The following MOB3B variants were observed in gnomAD, a reference collection of about 807,000 sequenced individuals.
The protein encoded by MOB3B is MOB kinase activator 3B, also known as MOB kinase activator-like 2B.
MOB3B carries 7 observed loss-of-function variants against 18.7 expected under a neutral mutation model. That is an observed-to-expected ratio of 0.37 (90% CI 0.21 to 0.70). MOB3B has a LOEUF of 0.70. Ranked by LOEUF, MOB3B falls within the 30% of genes least tolerant of loss-of-function variation. The pLI, the probability that MOB3B is intolerant of heterozygous loss-of-function variation, is 0.52. For missense variants in MOB3B, 253 were observed against 281.3 expected (o/e 0.90, Z 0.72); for synonymous variants, 111 against 99.9 (o/e 1.11, Z -0.66).
At chr9:27,467,557 C>G (rs1819403841) in intron 1 of MOB3B, among the ~76,000 whole-genome samples, 1 of 152,216 alleles carries the variant, frequency 6.6e-6, no homozygotes, top group Non-Finnish European at 1.5e-5. Context: ...GAGGGAAGCA[C>G]CATTTCCCCA....
intron 2 of MOB3B, among the ~76,000 whole-genome samples, chr9:27,428,507 A>G (rs1424949811): frequency 2.0e-5 from 3 of 152,238 alleles, no homozygotes; most frequent in Admixed American, 6.5e-5. Flanking sequence ...GAAAGAGATG[A>G]GTTTGTTCTG....
intron 3 of MOB3B, 45 bp downstream of exon 3, chr9:27,358,989 G>C (rs1417288331): frequency 6.3e-7 from 1 of 1,587,586 alleles, no homozygotes; most frequent in African/African-American, 1.3e-5. Context: ...AAATGGCCGA[G>C]CTCCTGGGGT....
chr9:27,402,295 T>C (rs141090633), intron 2 of MOB3B, among the ~76,000 whole-genome samples: 58 of 152,362 alleles, frequency 3.8e-4, no homozygotes, highest in African/African-American at 1.3e-3. Flanking sequence ...TGTGTATTTA[T>C]ATGTTTCTAT....
In MOB3B at chr9:27,365,364, C is replaced by CTTT. The variant is rs55691019; in HGVS notation, c.419-6131_419-6129dup. Among the ~76,000 whole-genome samples the CTTT allele has an allele frequency of 7.6e-4, 89 of 116,474 alleles. 2 individuals are homozygous for CTTT. The South Asian group carries it at 7.8e-3, about 10-fold the overall frequency. The allele number at this position is 116,474 out of a possible 152,430, so 76.4% of individuals were successfully genotyped here. The stretch of plus-strand genomic sequence containing the variant: ...TTATCATTGAAATCTTCCTTCTTCT[C>CTTT]TTTTTTTTTTTTTTTTTTTCAGGTA... On this transcript the variant is annotated intron_variant, in intron 2 of 3. Coordinates refer to ENST00000262244, the MANE Select transcript of MOB3B (RefSeq NM_024761.5).
At chr9:27,344,178 A>G (rs1452958422) in intron 3 of MOB3B, among the ~76,000 whole-genome samples, 1 of 152,162 alleles carries the variant, frequency 6.6e-6, no homozygotes. Flanking sequence ...TTTACACATA[A>G]GGCCATTAGT....
intron 1 of MOB3B, among the ~76,000 whole-genome samples, chr9:27,501,482 GA>G (rs1563884450): frequency 6.6e-6 from 1 of 151,760 alleles, no homozygotes; most frequent in Non-Finnish European, 1.5e-5. Context: ...CCATCATTCT[GA>G]GCAAACTACC....
At chr9:27,464,854 A>C (rs1338516059) in intron 1 of MOB3B, among the ~76,000 whole-genome samples, 1 of 152,182 alleles carries the variant, frequency 6.6e-6, no homozygotes, top group Non-Finnish European at 1.5e-5. Flanking sequence ...AGACTTATTC[A>C]CTATCACGAG....
At chr9:27,479,010 G>T (rs1333910557) in intron 1 of MOB3B, among the ~76,000 whole-genome samples, 1 of 152,076 alleles carries the variant, frequency 6.6e-6, no homozygotes, top group African/African-American at 2.4e-5. Flanking sequence ...ATTCAAAGTG[G>T]TAATAAAAAA....
At chr9:27,477,132 G>A (rs1197938233) in intron 1 of MOB3B, among the ~76,000 whole-genome samples, 1 of 152,184 alleles carries the variant, frequency 6.6e-6, no homozygotes, top group East Asian at 1.9e-4. Flanking sequence ...ATACTCCTCT[G>A]CAGCCATCTT....
chr9:27,474,580 T>G (rs1432916026), intron 1 of MOB3B, among the ~76,000 whole-genome samples: 1 of 152,180 alleles, frequency 6.6e-6, no homozygotes, highest in Non-Finnish European at 1.5e-5. Flanking sequence ...GATTAGAACC[T>G]TCGTATCATT....
chr9:27,430,232 A>T (rs1388241550), intron 2 of MOB3B, among the ~76,000 whole-genome samples: 1 of 152,190 alleles, frequency 6.6e-6, no homozygotes, highest in African/African-American at 2.4e-5. Context: ...GGGATTGGCA[A>T]CCGAGCCCCA....
intron 2 of MOB3B, among the ~76,000 whole-genome samples, chr9:27,443,890 T>C (rs1822634486): frequency 6.6e-6 from 1 of 152,130 alleles, no homozygotes; most frequent in African/African-American, 2.4e-5. Flanking sequence ...TCAATAATTA[T>C]CCTTTCAGAA....
At chr9:27,400,913 C>A (rs1217883250) in intron 2 of MOB3B, among the ~76,000 whole-genome samples, 2 of 152,172 alleles carry the variant, frequency 1.3e-5, no homozygotes, top group Non-Finnish European at 2.9e-5. Context: ...ATCTGAGACC[C>A]ATAAGTAGGA....
At chr9:27,474,877 G>A (rs1281976203) in intron 1 of MOB3B, among the ~76,000 whole-genome samples, 1 of 152,134 alleles carries the variant, frequency 6.6e-6, no homozygotes, top group South Asian at 2.1e-4. Context: ...CAAATGTATT[G>A]GGTTATGGTG....
chr9:27,493,124 C>T (rs975307239), intron 1 of MOB3B, among the ~76,000 whole-genome samples: 15 of 152,076 alleles, frequency 9.9e-5, no homozygotes, highest in Non-Finnish European at 1.8e-4. Flanking sequence ...TAAGAACATA[C>T]ATTTGGGATT....
At chr9:27,380,256 GAT>G (rs1205473704) in intron 2 of MOB3B, among the ~76,000 whole-genome samples, 2 of 142,864 alleles carry the variant, frequency 1.4e-5, no homozygotes, top group African/African-American at 5.3e-5. Flanking sequence ...CAGAAAAAGA[GAT>G]AGGATTTTTT....
chr9:27,404,340 TTTCTTTC>T (rs1217453020), intron 2 of MOB3B, among the ~76,000 whole-genome samples: 6 of 144,710 alleles, frequency 4.1e-5, no homozygotes, highest in African/African-American at 1.6e-4. Flanking sequence ...TCTTTCCTTC[TTTCTTTC>T]TTTTTTTTTT....
At chr9:27,499,931 C>T (rs573724052) in intron 1 of MOB3B, among the ~76,000 whole-genome samples, 1 of 152,238 alleles carries the variant, frequency 6.6e-6, no homozygotes, top group South Asian at 2.1e-4. Context: ...ACAGCTATCA[C>T]TAAATGTTTA....
chr9:27,385,272 T>TAG (rs1821637187), intron 2 of MOB3B, among the ~76,000 whole-genome samples: 2 of 152,206 alleles, frequency 1.3e-5, no homozygotes, highest in Admixed American at 6.5e-5. Context: ...AAAACAACAG[T>TAG]GATTCTTTTT....
Sources: allele counts gnomAD v4.1 joint callset (sites outside exome capture counted in the v4.1 genomes callset), GRCh38; gene constraint gnomAD v4.1.1; transcripts MANE v1.5; gene names NCBI Gene and HGNC (gene_info 2026-07-23, HGNC 2026-07-21).